Variants in MEGF11 observed in about 807,000 individuals in gnomAD.
The protein encoded by MEGF11 is multiple EGF like domains 11.
A neutral mutation model predicts 146.6 loss-of-function variants in MEGF11; 126 were observed. The ratio of observed to expected loss-of-function variants is 0.86; its 90% CI spans 0.74 to 1.00. The LOEUF (loss-of-function observed/expected upper bound fraction) is 1.00, where lower values mean the gene tolerates loss of function less well. Ranked by LOEUF, MEGF11 falls within the 50% of genes least tolerant of loss-of-function variation. MEGF11 has a pLI of 0.00. For synonymous variants in MEGF11, 532 were observed against 583.4 expected (o/e 0.91, Z 1.27); for missense variants, 1,509 against 1,521.2 (o/e 0.99, Z 0.13).
chr15:66,125,999 T>C (rs2140948161), intron 2 of MEGF11, among the ~76,000 whole-genome samples: 1 of 152,324 alleles, frequency 6.6e-6, no homozygotes, highest in South Asian at 2.1e-4. Context: ...TGACCCGAAG[T>C]GTGTACCCCT....
intron 5 of MEGF11, among the ~76,000 whole-genome samples, chr15:66,093,325 T>C (rs2086399764): frequency 1.3e-5 from 2 of 152,142 alleles, no homozygotes; most frequent in Admixed American, 1.3e-4. Context: ...ACTAGATATT[T>C]CCACTGCAGC....
chr15:66,100,087 A>T (rs990405149), intron 4 of MEGF11, among the ~76,000 whole-genome samples: 1 of 152,174 alleles, frequency 6.6e-6, no homozygotes, highest in Non-Finnish European at 1.5e-5. Context: ...TTGGGGGGGA[A>T]ATGTGAGCTT....
chr15:66,228,972 C>T (rs977729934), intron 1 of MEGF11, among the ~76,000 whole-genome samples: 8 of 152,108 alleles, frequency 5.3e-5, no homozygotes, highest in South Asian at 2.1e-4. Flanking sequence ...GCAGACCTGG[C>T]GGTGGTAACT....
intron 1 of MEGF11, among the ~76,000 whole-genome samples, chr15:66,217,862 C>T (rs1025105193): frequency 6.6e-6 from 1 of 152,216 alleles, no homozygotes; most frequent in South Asian, 2.1e-4. Context: ...CATCCCTCCC[C>T]AGAGAGAGGC....
intron 1 of MEGF11, among the ~76,000 whole-genome samples, chr15:66,223,915 G>T (rs1016203186): frequency 6.6e-6 from 1 of 152,126 alleles, no homozygotes; most frequent in Non-Finnish European, 1.5e-5. Context: ...CCCCCTCCTT[G>T]GGGTGGCTGA....
At chr15:66,077,801 AG>A (rs979954983) in intron 5 of MEGF11, among the ~76,000 whole-genome samples, 1 of 151,828 alleles carries the variant, frequency 6.6e-6, no homozygotes, top group African/African-American at 2.4e-5. Flanking sequence ...CCTTCACAGC[AG>A]GGGGGCATCT....
chr15:66,175,650 C>T (rs1007622111), intron 1 of MEGF11, among the ~76,000 whole-genome samples: 2 of 152,162 alleles, frequency 1.3e-5, no homozygotes, highest in African/African-American at 2.4e-5. Context: ...CCCTATCTCT[C>T]ATCATACAGA....
chr15:66,108,543 C>T (rs1361055553), intron 4 of MEGF11, among the ~76,000 whole-genome samples: 1 of 152,226 alleles, frequency 6.6e-6, no homozygotes, highest in Non-Finnish European at 1.5e-5. Flanking sequence ...GCCGCCATTG[C>T]AGACGGGGCG....
intron 1 of MEGF11, among the ~76,000 whole-genome samples, chr15:66,129,272 C>A (rs2088538222): frequency 6.6e-6 from 1 of 152,238 alleles, no homozygotes; most frequent in Non-Finnish European, 1.5e-5. Context: ...CTCCAGGACT[C>A]TGTGGTCCTC....
At chr15:65,951,171 G>A (rs2080388309) in intron 10 of MEGF11, among the ~76,000 whole-genome samples, 1 of 152,204 alleles carries the variant, frequency 6.6e-6, no homozygotes, top group Non-Finnish European at 1.5e-5. Context: ...ATTCCGAAGA[G>A]AGGAGTATTC....
intron 5 of MEGF11, among the ~76,000 whole-genome samples, chr15:66,046,538 G>A (rs760507170): frequency 2.6e-5 from 4 of 152,234 alleles, no homozygotes; most frequent in Non-Finnish European, 5.9e-5. Flanking sequence ...CATCCTGCAG[G>A]TTCTCTGCAG....
intron 8 of MEGF11, among the ~76,000 whole-genome samples, chr15:65,965,609 T>C (rs866440669): frequency 1.6e-3 from 130 of 80,262 alleles, no homozygotes; most frequent in Non-Finnish European, 2.4e-3. Context: ...TCTTTTTTTT[T>C]TTTCTTTTTT....
At chr15:65,918,156 C>T (rs1270479018) in intron 15 of MEGF11, 62 bp from the exon 16 acceptor site, 4 of 1,601,058 alleles carry the variant, frequency 2.5e-6, no homozygotes, top group Admixed American at 1.7e-5. Flanking sequence ...CCTCCACCCA[C>T]AGCCTCATCC....
intron 4 of MEGF11, among the ~76,000 whole-genome samples, chr15:66,115,281 C>T (rs2087667970): frequency 6.6e-6 from 1 of 152,200 alleles, no homozygotes; most frequent in African/African-American, 2.4e-5. Context: ...GGCAGGGCTG[C>T]AGGCACCAGC....
intron 5 of MEGF11, among the ~76,000 whole-genome samples, chr15:65,994,358 C>T (rs2082140570): frequency 6.6e-6 from 1 of 152,152 alleles, no homozygotes. Flanking sequence ...GGGCCACACC[C>T]CCACTAAGAA....
At chr15:65,955,783 T>TATAG (rs2080589249) in intron 10 of MEGF11, among the ~76,000 whole-genome samples, 1 of 8,914 alleles carries the variant, frequency 1.1e-4, no homozygotes, top group African/African-American at 2.1e-4. Context: ...TATATATATA[T>TATAG]ATATATATAT....
chr15:65,900,848 A>G (rs1209458935), intron 24 of MEGF11, among the ~76,000 whole-genome samples: 1 of 152,190 alleles, frequency 6.6e-6, no homozygotes, highest in African/African-American at 2.4e-5. Flanking sequence ...AGGAGAAAAC[A>G]TCCTTGCGAG....
At chr15:66,234,088 G>C (rs766900843) in intron 1 of MEGF11, among the ~76,000 whole-genome samples, 2 of 151,570 alleles carry the variant, frequency 1.3e-5, no homozygotes, top group Non-Finnish European at 2.9e-5. Flanking sequence ...TAGTAGGGAC[G>C]GGGTTTCGCT....
At chr15:66,047,507 A>ACACC in intron 5 of MEGF11, among the ~76,000 whole-genome samples, 4 of 152,364 alleles carry the variant, frequency 2.6e-5, no homozygotes, top group Non-Finnish European at 5.9e-5. Flanking sequence ...AGCACTGGGA[A>ACACC]TAATAAACAC....
Sources: allele counts gnomAD v4.1 joint callset (sites outside exome capture counted in the v4.1 genomes callset), GRCh38; gene constraint gnomAD v4.1.1; transcripts MANE v1.5; gene names NCBI Gene and HGNC (gene_info 2026-07-23, HGNC 2026-07-21).